The following CCDC38 variants were observed in gnomAD, a reference collection of about 807,000 sequenced individuals.
The protein encoded by CCDC38 is coiled-coil domain-containing protein 38.
Under a neutral mutation model 72.8 loss-of-function variants are expected in CCDC38, and 69 were observed. The ratio of observed to expected loss-of-function variants is 0.95; its 90% CI spans 0.78 to 1.16. CCDC38 has a LOEUF of 1.16. Ranked by LOEUF, CCDC38 falls within the 50% of genes most tolerant of loss-of-function variation. CCDC38 has a pLI of 0.00. For missense variants in CCDC38, 626 were observed against 638.9 expected (o/e 0.98, Z 0.22); for synonymous variants, 201 against 213.2 (o/e 0.94, Z 0.50).
chr12:95,894,730 A>G (rs1190331573), intron 8 of CCDC38, among the ~76,000 whole-genome samples: 1 of 152,186 alleles, frequency 6.6e-6, no homozygotes. Context: ...AGCCAGCAGA[A>G]CTGTGAGCCA....
At chr12:95,928,826 G>A (rs1280103149) in intron 2 of CCDC38, among the ~76,000 whole-genome samples, 1 of 152,182 alleles carries the variant, frequency 6.6e-6, no homozygotes, top group Admixed American at 6.5e-5. Flanking sequence ...CCCCTGCTAG[G>A]GGGTGACTCC....
intron 1 of CCDC38, among the ~76,000 whole-genome samples, chr12:95,938,083 T>A (rs2080412598): frequency 6.6e-6 from 1 of 152,206 alleles, no homozygotes; most frequent in African/African-American, 2.4e-5. Flanking sequence ...CATCTGATTT[T>A]AGTTCCAGTG....
intron 9 of CCDC38, among the ~76,000 whole-genome samples, chr12:95,890,245 G>A (rs552603180): frequency 6.6e-6 from 1 of 152,290 alleles, no homozygotes; most frequent in East Asian, 1.9e-4. Flanking sequence ...TGGCCACCAA[G>A]CCAAACAACA....
chr12:95,936,465 C>T lies in CCDC38; in HGVS notation c.37+8G>A. 1 of 1,612,508 alleles carries T rather than the reference C, an allele frequency of 6.2e-7. No individual in the cohort carries two copies. Among genetic ancestry groups the T allele is most frequent in the African/African-American group, 1.3e-5 (1 of 74,976 alleles). On this transcript the variant is annotated splice_region_variant and intron_variant, in intron 2 of 15. Coordinates refer to ENST00000344280, the MANE Select transcript of CCDC38 (RefSeq NM_182496.3). ...CAAACAAGAATATATTGATTGATTTCTTTTTACCTCCAGAATTCAGTGTTG... is the reference window on the plus strand; with the variant it reads ...CAAACAAGAATATATTGATTGATTTTTTTTTACCTCCAGAATTCAGTGTTG...
At chr12:95,869,393 C>T (rs2079555813) in intron 15 of CCDC38, 87 bp downstream of exon 15, 1 of 961,920 alleles carries the variant, frequency 1.0e-6, no homozygotes, top group Admixed American at 2.3e-5. Flanking sequence ...GAAGTTCAAC[C>T]TGGATAAGTT....
intron 5 of CCDC38, among the ~76,000 whole-genome samples, chr12:95,906,095 AC>A (rs1451885518): frequency 2.6e-5 from 4 of 152,204 alleles, no homozygotes; most frequent in Non-Finnish European, 5.9e-5. Flanking sequence ...ACAAACTAGA[AC>A]CAGACATTTT....
chr12:95,881,854 T>C (rs2079704070), intron 10 of CCDC38, among the ~76,000 whole-genome samples: 1 of 152,194 alleles, frequency 6.6e-6, no homozygotes, highest in African/African-American at 2.4e-5. Flanking sequence ...GTAACTTTAT[T>C]TTTAAAGAAA....
At chr12:95,876,662 A>G (rs2079639216) in intron 13 of CCDC38, among the ~76,000 whole-genome samples, 1 of 152,104 alleles carries the variant, frequency 6.6e-6, no homozygotes, top group African/African-American at 2.4e-5. Flanking sequence ...CCCATCCCCT[A>G]CTAACTCAGG....
chr12:95,878,643 G>T lies in CCDC38; in HGVS notation c.1143-297C>A, dbSNP rs553628840. On this transcript the variant is annotated intron_variant, in intron 12 of 15. Transcript: ENST00000344280. ...GCAGAGCTGAGGCATCAGGAACCCA[G>T]TGTTCTCAAACGTGGCTGATAATCA... Among the ~76,000 whole-genome samples, 9 of 152,328 alleles carry T rather than the reference G, an allele frequency of 5.9e-5. No individual in the cohort carries two copies. The South Asian group carries it at 1.9e-3, about 32-fold the overall frequency.
chr12:95,936,001 C>T (rs964202411), intron 2 of CCDC38, among the ~76,000 whole-genome samples: 4 of 152,010 alleles, frequency 2.6e-5, no homozygotes, highest in East Asian at 1.9e-4. Flanking sequence ...TCACTTGAAC[C>T]CAGGAGGCGG....
chr12:95,923,459 C>A (rs1242366996), intron 2 of CCDC38, among the ~76,000 whole-genome samples: 1 of 152,028 alleles, frequency 6.6e-6, no homozygotes, highest in Non-Finnish European at 1.5e-5. Context: ...GGGCTGGACA[C>A]CTCTTCCCCA....
chr12:95,919,059 G>A, intron 2 of CCDC38, 83 bp from the exon 3 acceptor site: 1 of 865,996 alleles, frequency 1.2e-6, no homozygotes, highest in African/African-American at 1.7e-5. Context: ...ACCAGCTAGG[G>A]TGGAATGAAT....
At chr12:95,908,177 G>T (rs2080034215) in intron 4 of CCDC38, among the ~76,000 whole-genome samples, 1 of 151,792 alleles carries the variant, frequency 6.6e-6, no homozygotes, top group Non-Finnish European at 1.5e-5. Flanking sequence ...GCACCATTGA[G>T]CACTGAGTGA....
intron 8 of CCDC38, among the ~76,000 whole-genome samples, chr12:95,894,260 A>G (rs1331846519): frequency 6.6e-6 from 1 of 152,216 alleles, no homozygotes; most frequent in Non-Finnish European, 1.5e-5. Context: ...AAATAAAAAT[A>G]AAAATGAATG....
chr12:95,933,769 A>T (rs1424637283), intron 2 of CCDC38: 4 of 152,256 alleles, frequency 2.6e-5, no homozygotes, highest in African/African-American at 9.6e-5. Flanking sequence ...AGCTGAAAAC[A>T]ACCCAAATAC....
chr12:95,884,082 C>T (rs918134521), intron 10 of CCDC38, among the ~76,000 whole-genome samples: 2 of 152,078 alleles, frequency 1.3e-5, no homozygotes, highest in Non-Finnish European at 2.9e-5. Flanking sequence ...AAGTTCTACC[C>T]ATTGCAATAA....
chr12:95,898,682 AT>A lies in CCDC38; in HGVS notation c.418del (p.Ile140Ter). 1.9e-6 allele frequency: 3 copies of A among 1,614,038 alleles called. No homozygotes were observed. Among genetic ancestry groups the A allele is most frequent in the Non-Finnish European group, 2.5e-6 (3 of 1,179,998 alleles). ...TTTTAGTTGCCGTTCCCTCATTGCT[AT>A]GTCTTTTTCAAACTTTTTGATTGTG... is the stretch of plus-strand genomic sequence containing the variant. ...RNTIKKFEKDIAMRERQLKKA... is the reference protein window; with the variant it reads ...RNTIKKFEKDXAMRERQLKKA... On this transcript the variant is annotated frameshift_variant, in exon 6 of 16. Transcript: ENST00000344280. LOFTEE classifies it high-confidence loss of function.
rs751855512 is a variant in CCDC38, at chr12:95,898,702, G to T, written c.399C>A (p.Ile133=). 1.2e-6 allele frequency: 2 copies of T among 1,613,730 alleles called. No homozygotes were observed. The highest frequency in any genetic ancestry group is 1.3e-5 in the African/African-American group (1 of 74,894). Residue 133 remains isoleucine, a synonymous_variant, in exon 6 of 16, where the codon ATC becomes ATA. Transcript: ENST00000344280. ...TTGCTATGTCTTTTTCAAACTTTTTGATTGTGTTTCTTTTGGTTGACAAAG... is the reference window on the plus strand; with the variant it reads ...TTGCTATGTCTTTTTCAAACTTTTTTATTGTGTTTCTTTTGGTTGACAAAG... ...EYALSTKRNT[I]KKFEKDIAMR...
chr12:95,925,720 T>C (rs2080262624), intron 2 of CCDC38, among the ~76,000 whole-genome samples: 1 of 152,140 alleles, frequency 6.6e-6, no homozygotes, highest in Non-Finnish European at 1.5e-5. Context: ...GTCCCATCAA[T>C]ACCTAATTTA....
Sources: allele counts gnomAD v4.1 joint callset (sites outside exome capture counted in the v4.1 genomes callset), GRCh38; gene constraint gnomAD v4.1.1; transcripts MANE v1.5; gene names NCBI Gene and HGNC (gene_info 2026-07-23, HGNC 2026-07-21).